CNTLN: variants seen among roughly 807,000 people sequenced by gnomAD.
CNTLN encodes the protein centlein, centrosomal protein.
Under a neutral mutation model 180.0 loss-of-function variants are expected in CNTLN, and 212 were observed. The ratio of observed to expected loss-of-function variants is 1.18; its 90% confidence interval spans 1.05 to 1.32. The LOEUF is 1.32. CNTLN is among the 40% of genes most tolerant of loss of function. The pLI, the probability that CNTLN is intolerant of heterozygous loss-of-function variation, is 0.00. For synonymous variants in CNTLN, 722 were observed against 563.1 expected (o/e 1.28, Z -3.99); for missense variants, 2,095 against 1,610.9 (o/e 1.30, Z -5.14).
At position 17,236,422 on chromosome 9, in the gene CNTLN, G is replaced by A; in HGVS notation, c.683G>A (p.Cys228Tyr). 1 of 1,609,808 alleles carries A rather than the reference G, an allele frequency of 6.2e-7. No individual in the cohort carries two copies. The highest frequency in any genetic ancestry group is 8.5e-7 in the Non-Finnish European group (1 of 1,178,312). Residue 228 changes from cysteine (C) to tyrosine (Y), a missense_variant, in exon 5 of 26, where the codon TGT becomes TAT. Coordinates refer to ENST00000380647, the MANE Select transcript of CNTLN (RefSeq NM_017738.4). ...KSQEIKDTKE[C>Y]VQNKEEQNRL... is the part of the protein sequence containing the mutation. ...ACTGTTCTACAGGACACTAAGGAGT[G>A]TGTACAGAACAAAGAAGAGCAAAAC...
chr9:17,479,250 C>G (rs1456236553), intron 23 of CNTLN, among the ~76,000 whole-genome samples: 1 of 152,126 alleles, frequency 6.6e-6, no homozygotes, highest in Non-Finnish European at 1.5e-5. Context: ...CTCCTGTGTT[C>G]ATTGCAGGAC....
chr9:17,500,823 G>A (rs1178261900), intron 25 of CNTLN, among the ~76,000 whole-genome samples: 1 of 150,816 alleles, frequency 6.6e-6, no homozygotes, highest in African/African-American at 2.5e-5. Context: ...TTGCCCTGTA[G>A]TCTTGTCATT....
At chr9:17,243,486 G>A (rs1321685956) in intron 5 of CNTLN, among the ~76,000 whole-genome samples, 1 of 152,030 alleles carries the variant, frequency 6.6e-6, no homozygotes, top group East Asian at 1.9e-4. Context: ...TTTCACTGTA[G>A]CCCATAGATT....
At position 17,293,552 on chromosome 9, in the gene CNTLN, T is replaced by C. The variant is rs1325044482; in HGVS notation, c.984-4638T>C. Among the ~76,000 whole-genome samples, 4 of 152,288 alleles carry C rather than the reference T, an allele frequency of 2.6e-5. No homozygotes were observed. In the East Asian group the frequency reaches 5.8e-4, roughly 22 times the overall value. On this transcript the variant is annotated intron_variant, in intron 6 of 25. Transcript: ENST00000380647. ...TCCGCCTGAAGAGGCAGTCTGGCCA[T>C]GATCTGCCATAGCCATAGCCACTGT...
intron 13 of CNTLN, among the ~76,000 whole-genome samples, chr9:17,371,646 A>G (rs981347373): frequency 4.6e-5 from 7 of 152,160 alleles, no homozygotes; most frequent in African/African-American, 1.2e-4. Context: ...ATTTCATCCA[A>G]TGGCTGCAGA....
At chr9:17,491,020 T>C (rs1833134580) in intron 25 of CNTLN, among the ~76,000 whole-genome samples, 1 of 152,082 alleles carries the variant, frequency 6.6e-6, no homozygotes, top group Non-Finnish European at 1.5e-5. Flanking sequence ...TGTTCACATA[T>C]CCAAACAAGG....
At chr9:17,488,278 G>A (rs764540994) in intron 25 of CNTLN, among the ~76,000 whole-genome samples, 3 of 152,190 alleles carry the variant, frequency 2.0e-5, no homozygotes, top group African/African-American at 4.8e-5. Flanking sequence ...TTGTTTAAGT[G>A]TAGATGTGCA....
intron 10 of CNTLN, among the ~76,000 whole-genome samples, chr9:17,339,035 A>G (rs1411415728): frequency 6.6e-6 from 1 of 152,186 alleles, no homozygotes; most frequent in Non-Finnish European, 1.5e-5. Flanking sequence ...TGATTTGTAT[A>G]TCTTCTAAAA....
At chr9:17,329,466 T>C (rs1347705641) in intron 8 of CNTLN, among the ~76,000 whole-genome samples, 1 of 152,072 alleles carries the variant, frequency 6.6e-6, no homozygotes, top group Admixed American at 6.6e-5. Flanking sequence ...ATGAAATAAG[T>C]AATATATTGT....
At chr9:17,359,736 A>ACAAACAAAC (rs1554699479) in intron 12 of CNTLN, among the ~76,000 whole-genome samples, 2,315 of 112,544 alleles carry the variant, frequency 0.021, 213 homozygotes, top group African/African-American at 0.076. Flanking sequence ...AAAAAAAAAA[A>ACAAACAAAC]AAAAAAAAAA....
intron 2 of CNTLN, among the ~76,000 whole-genome samples, chr9:17,161,015 A>G (rs773398599): frequency 1.5e-4 from 23 of 152,298 alleles, no homozygotes; most frequent in Non-Finnish European, 2.8e-4. Flanking sequence ...GAAAGAGACA[A>G]TTTATAATAA....
chr9:17,328,143 G>C (rs1820426033), intron 8 of CNTLN, among the ~76,000 whole-genome samples: 1 of 151,972 alleles, frequency 6.6e-6, no homozygotes, highest in Non-Finnish European at 1.5e-5. Flanking sequence ...ATACCCTTTT[G>C]TACCCTACTT....
chr9:17,462,987 A>C lies in CNTLN; in HGVS notation c.3378A>C (p.Glu1126Asp), dbSNP rs142750793. ...KTLKFELLAK[E>D]EHIKEMHEKI... is the part of the protein sequence containing the mutation. ...TGAAATTTGAACTCCTAGCAAAAGA[A>C]GAACACATAAAGGAAATGCATGAAA... The change falls in exon 20 of 26, where the codon GAA becomes GAC. Residue 1126 changes from glutamate to aspartate, a missense_variant. By Grantham distance (45) the Glu-to-Asp change is conservative. Transcript: ENST00000380647. 11,822 of 1,586,450 alleles carry C rather than the reference A, an allele frequency of 7.5e-3. 61 individuals are homozygous for C. The highest frequency in any genetic ancestry group is 9.4e-3 in the Non-Finnish European group (10,998 of 1,168,396).
intron 25 of CNTLN, among the ~76,000 whole-genome samples, chr9:17,492,057 T>A (rs1368879035): frequency 6.6e-6 from 1 of 152,014 alleles, no homozygotes; most frequent in African/African-American, 2.4e-5. Context: ...GCCTACACAC[T>A]CAGTAACCCA....
At chr9:17,152,029 C>T (rs1563825982) in intron 2 of CNTLN, among the ~76,000 whole-genome samples, 1 of 152,040 alleles carries the variant, frequency 6.6e-6, no homozygotes, top group Non-Finnish European at 1.5e-5. Context: ...TTTTTTATGG[C>T]ATCTATTTGA....
At chr9:17,266,486 G>A (rs1042698808) in intron 5 of CNTLN, among the ~76,000 whole-genome samples, 2 of 152,060 alleles carry the variant, frequency 1.3e-5, no homozygotes, top group Non-Finnish European at 2.9e-5. Context: ...AATAGGTGTG[G>A]TGTGCTGCTG....
chr9:17,347,871 G>A (rs112516578), intron 12 of CNTLN, among the ~76,000 whole-genome samples: 7,747 of 151,666 alleles, frequency 0.051, 548 homozygotes, highest in African/African-American at 0.16. Flanking sequence ...TCGCTCTGTC[G>A]CTCAGGCTGG....
chr9:17,506,710 T>G (rs1385486807), downstream of CNTLN, among the ~76,000 whole-genome samples: 1 of 134,050 alleles, frequency 7.5e-6, no homozygotes, highest in Non-Finnish European at 1.6e-5. Context: ...AGAAGCTTAC[T>G]TAATGTTCTC....
At chr9:17,153,342 C>T (rs761876908) in intron 2 of CNTLN, among the ~76,000 whole-genome samples, 2 of 151,994 alleles carry the variant, frequency 1.3e-5, no homozygotes, top group Non-Finnish European at 1.5e-5. Flanking sequence ...TCTTGTAAGG[C>T]AGGTCTGGTG....
Sources: allele counts gnomAD v4.1 joint callset (sites outside exome capture counted in the v4.1 genomes callset), GRCh38; gene constraint gnomAD v4.1.1; transcripts MANE v1.5; gene names NCBI Gene and HGNC (gene_info 2026-07-23, HGNC 2026-07-21).